NXPE2: variants seen among roughly 807,000 people sequenced by gnomAD.
The protein encoded by NXPE2 is NXPE family member 2.
Under a neutral mutation model 34.4 loss-of-function variants are expected in NXPE2, and 34 were observed. The observed-to-expected ratio is 0.99, with a 90% confidence interval of 0.75 to 1.31. The LOEUF (loss-of-function observed/expected upper bound fraction) is 1.31. Among genes scored for constraint, NXPE2 ranks in the 40% most tolerant of loss-of-function variants. NXPE2 has a pLI of 0.00. For synonymous variants in NXPE2, 235 were observed against 231.3 expected (o/e 1.02, Z -0.15); for missense variants, 649 against 672.5 (o/e 0.97, Z 0.39).
chr11:114,798,265 C>T, the NXPE2 span, among the ~76,000 whole-genome samples: 1 of 152,172 alleles, frequency 6.6e-6, no homozygotes, highest in African/African-American at 2.4e-5. Context: ...CAACAGGTAA[C>T]AGTTACCTGA....
At chr11:114,653,686 C>G in the NXPE2 span, among the ~76,000 whole-genome samples, 2 of 151,956 alleles carry the variant, frequency 1.3e-5, no homozygotes, top group Non-Finnish European at 2.9e-5. Context: ...CACCACTATG[C>G]CTGGCTAATT....
chr11:114,812,012 T>C, the NXPE2 span, among the ~76,000 whole-genome samples: 1 of 152,256 alleles, frequency 6.6e-6, no homozygotes, highest in East Asian at 1.9e-4. Flanking sequence ...GCCATTATTA[T>C]CACAAAAATC....
the NXPE2 span, among the ~76,000 whole-genome samples, chr11:114,731,976 T>C: frequency 0.094 from 14,271 of 152,262 alleles, 723 homozygotes; most frequent in Middle Eastern, 0.13. Flanking sequence ...ACCAACTGTG[T>C]AACTCTCGTC....
chr11:114,527,730 A>T, the NXPE2 span: 1 of 640,748 alleles, frequency 1.6e-6, no homozygotes, highest in Non-Finnish European at 2.6e-6. Context: ...CATGATTGAC[A>T]TCATAGACAT....
chr11:114,798,334 T>G, the NXPE2 span, among the ~76,000 whole-genome samples: 1 of 152,156 alleles, frequency 6.6e-6, no homozygotes, highest in African/African-American at 2.4e-5. Context: ...CCCTGTAATC[T>G]TCATCTCTTT....
At chr11:114,730,745 T>G in the NXPE2 span, among the ~76,000 whole-genome samples, 6 of 152,230 alleles carry the variant, frequency 3.9e-5, no homozygotes, top group African/African-American at 1.4e-4. Flanking sequence ...TACATTGATT[T>G]TGTATCCTGA....
the NXPE2 span, among the ~76,000 whole-genome samples, chr11:114,576,364 A>G: frequency 6.6e-6 from 1 of 152,124 alleles, no homozygotes; most frequent in Non-Finnish European, 1.5e-5. Flanking sequence ...ACTTAATTAA[A>G]CTAAAAACTT....
At chr11:114,792,899 C>T in the NXPE2 span, among the ~76,000 whole-genome samples, 3 of 152,138 alleles carry the variant, frequency 2.0e-5, no homozygotes, top group African/African-American at 4.8e-5. Context: ...ATGCTCTAAC[C>T]ACTACCCTGC....
At chr11:114,574,369 TA>T in the NXPE2 span, among the ~76,000 whole-genome samples, 3 of 151,542 alleles carry the variant, frequency 2.0e-5, no homozygotes, top group Non-Finnish European at 3.0e-5. Context: ...AGAGCAGAAG[TA>T]AATGAAACTG....
the NXPE2 span, among the ~76,000 whole-genome samples, chr11:114,621,934 G>A: frequency 6.6e-6 from 1 of 151,956 alleles, no homozygotes; most frequent in Non-Finnish European, 1.5e-5. Context: ...ATTGCCTCAT[G>A]GGTAACACCT....
chr11:114,599,537 G>A, the NXPE2 span, among the ~76,000 whole-genome samples: 1 of 152,128 alleles, frequency 6.6e-6, no homozygotes, highest in Non-Finnish European at 1.5e-5. Context: ...AAATATTTGA[G>A]ACTGGGTAAT....
the NXPE2 span, among the ~76,000 whole-genome samples, chr11:114,536,464 A>G: frequency 6.6e-6 from 1 of 152,284 alleles, no homozygotes; most frequent in South Asian, 2.1e-4. Flanking sequence ...GAGACAAAAA[A>G]CCCTTCAAAA....
At chr11:114,797,974 T>A in the NXPE2 span, among the ~76,000 whole-genome samples, 1 of 152,186 alleles carries the variant, frequency 6.6e-6, no homozygotes, top group Non-Finnish European at 1.5e-5. Flanking sequence ...TCTGTCTGTG[T>A]AGAAACCATG....
the NXPE2 span, among the ~76,000 whole-genome samples, chr11:114,788,873 C>A: frequency 6.6e-6 from 1 of 152,144 alleles, no homozygotes; most frequent in Non-Finnish European, 1.5e-5. Context: ...TTGTCATCTC[C>A]TTGAGGGCAG....
At chr11:114,670,677 G>A in the NXPE2 span, among the ~76,000 whole-genome samples, 3 of 152,012 alleles carry the variant, frequency 2.0e-5, no homozygotes, top group African/African-American at 7.2e-5. Context: ...GGGCAACAGA[G>A]TGAGACTGTG....
the NXPE2 span, among the ~76,000 whole-genome samples, chr11:114,653,169 A>C: frequency 6.6e-6 from 1 of 152,254 alleles, no homozygotes; most frequent in Admixed American, 6.5e-5. Context: ...TTATAAAAGT[A>C]TCTGGAGAAA....
the NXPE2 span, among the ~76,000 whole-genome samples, chr11:114,660,945 TA>T: frequency 1.3e-5 from 2 of 152,164 alleles, no homozygotes; most frequent in African/African-American, 4.8e-5. Flanking sequence ...CCCCTTAATA[TA>T]AAGTTTTATT....
chr11:114,530,870 G>A, the NXPE2 span: 9 of 1,613,134 alleles, frequency 5.6e-6, no homozygotes, highest in Non-Finnish European at 7.6e-6. Context: ...AGTTGTTCCA[G>A]TAATGGACAG....
the NXPE2 span, among the ~76,000 whole-genome samples, chr11:114,573,346 G>A: frequency 2.6e-5 from 4 of 152,192 alleles, no homozygotes; most frequent in South Asian, 8.3e-4. Flanking sequence ...GAATAGAATA[G>A]TATCTTATAT....
Sources: gnomAD v4.1 joint callset for allele counts (sites outside exome capture counted in the v4.1 genomes callset) on GRCh38, gnomAD v4.1.1 for gene constraint, MANE v1.5 for transcripts, NCBI Gene and HGNC (gene_info 2026-07-23, HGNC 2026-07-21) for gene names.